The following PDIA6 variants were observed in gnomAD, a reference collection of about 807,000 sequenced individuals.
PDIA6 encodes protein disulfide isomerase family A member 6.
In PDIA6, 29 loss-of-function variants were observed where a neutral mutation model predicts 58.4. That is an observed-to-expected ratio of 0.50 (90% CI 0.37 to 0.68). PDIA6 has a LOEUF of 0.68. Ranked by LOEUF, PDIA6 falls within the 30% of genes least tolerant of loss-of-function variation. PDIA6 has a pLI of 0.00. For synonymous variants in PDIA6, 192 were observed against 202.6 expected, an observed-to-expected ratio of 0.95 and a Z score of 0.44; for missense variants, 480 against 551.0, an observed-to-expected ratio of 0.87 and a Z score of 1.29.
At chr2:10,789,688 T>C (rs1022614343) in intron 8 of PDIA6, 61 bp downstream of exon 8, 2 of 1,502,798 alleles carry the variant, frequency 1.3e-6, no homozygotes, top group Non-Finnish European at 1.8e-6. Flanking sequence ...CACACTGCTT[T>C]AACATTCCTC....
At chr2:10,810,239 T>A (rs779941454) in intron 1 of PDIA6, 1 of 1,401,460 alleles carries the variant, frequency 7.1e-7, no homozygotes, top group South Asian at 1.2e-5. Context: ...AAAGGATAAC[T>A]TACCTAAGAT....
At chr2:10,824,994 C>T (rs991884386) in intron 1 of PDIA6, among the ~76,000 whole-genome samples, 1 of 152,146 alleles carries the variant, frequency 6.6e-6, no homozygotes, top group African/African-American at 2.4e-5. Flanking sequence ...CACCCTTAAT[C>T]TGGGTGGGCA....
In PDIA6 at chr2:10,798,715, C is replaced by T. The variant is rs146387497; in HGVS notation, c.162-958G>A. The stretch of plus-strand genomic sequence containing the variant: ...CACTGTGTGGAGCTGAAAGCCTAGG[C>T]ACGATGCAGATTCTTGGGGTCCACA... On this transcript the variant is annotated intron_variant, in intron 2 of 12. Coordinates refer to ENST00000272227, the MANE Select transcript of PDIA6 (RefSeq NM_005742.4). Among the ~76,000 whole-genome samples, 269 of 152,262 alleles carry T rather than the reference C, an allele frequency of 1.8e-3. 1 individual carries two copies. Among genetic ancestry groups the T allele is most frequent in the African/African-American group, 6.3e-3 (263 of 41,556 alleles).
chr2:10,817,378 T>C (rs531628758), upstream of PDIA6, among the ~76,000 whole-genome samples: 1 of 152,268 alleles, frequency 6.6e-6, no homozygotes, highest in African/African-American at 2.4e-5. Flanking sequence ...CTATTCTGAG[T>C]TCTAGTCACT....
Position 10,830,190 on chromosome 2 carries a change from G to A in PDIA6, c.-48+2012C>T, listed in dbSNP as rs544059090. Among the ~76,000 whole-genome samples, 11 of 152,344 alleles carry A rather than the reference G, an allele frequency of 7.2e-5. No homozygotes were observed. The South Asian group carries it at 1.7e-3, about 23-fold the overall frequency. On this transcript the variant is annotated intron_variant, in intron 1 of 13. Coordinates refer to the PDIA6 transcript ENST00000381611. ...GCCTGTGTCTGCCCCTCCAGTGTGGGTGCGCAGCTTCAAGACAGGGGCCAG... is the reference window on the plus strand; with the variant it reads ...GCCTGTGTCTGCCCCTCCAGTGTGGATGCGCAGCTTCAAGACAGGGGCCAG...
At chr2:10,836,443 A>G (rs1667833617), upstream of PDIA6, among the ~76,000 whole-genome samples, 1 of 151,728 alleles carries the variant, frequency 6.6e-6, no homozygotes, top group African/African-American at 2.4e-5. Context: ...GAATTCCTGA[A>G]CTCAAGCAGT....
intron 2 of PDIA6, among the ~76,000 whole-genome samples, chr2:10,800,580 ATTTT>A (rs954768324): frequency 5.0e-5 from 2 of 40,378 alleles, no homozygotes; most frequent in Admixed American, 3.3e-4. Context: ...TTTGATTTTG[ATTTT>A]TTTTTTTAAA....
At chr2:10,811,737 G>A (rs1375368689) in intron 1 of PDIA6, among the ~76,000 whole-genome samples, 2 of 152,146 alleles carry the variant, frequency 1.3e-5, no homozygotes, top group Non-Finnish European at 2.9e-5. Flanking sequence ...CAGGACCCTC[G>A]GCCTCGCCCA....
chr2:10,825,912 G>C (rs995555014), intron 1 of PDIA6, among the ~76,000 whole-genome samples: 5 of 152,198 alleles, frequency 3.3e-5, no homozygotes, highest in African/African-American at 1.2e-4. Flanking sequence ...TTAGAGAACA[G>C]TCCAACAGCT....
intron 1 of PDIA6, among the ~76,000 whole-genome samples, chr2:10,812,318 C>T (rs1667030540): frequency 7.0e-6 from 1 of 143,550 alleles, no homozygotes. Context: ...TCGAGAAGAG[C>T]CCGGAACAAG....
chr2:10,813,028 C>G (rs760541000), upstream of PDIA6, among the ~76,000 whole-genome samples: 114 of 152,244 alleles, frequency 7.5e-4, no homozygotes, highest in Non-Finnish European at 1.0e-3. Context: ...TCAGCTCCTC[C>G]GGGCCCTCTC....
At chr2:10,825,902 T>G (rs1667544138) in intron 1 of PDIA6, among the ~76,000 whole-genome samples, 2 of 152,190 alleles carry the variant, frequency 1.3e-5, no homozygotes, top group South Asian at 2.1e-4. Context: ...TGCAACCACT[T>G]TAGAGAACAG....
intron 1 of PDIA6, chr2:10,810,281 G>A (rs895177089): frequency 7.2e-6 from 11 of 1,534,416 alleles, no homozygotes; most frequent in South Asian, 1.2e-5. Flanking sequence ...ATTTCTAACC[G>A]AAGGGCTGGA....
Position 10,824,958 on chromosome 2 carries a change from AG to A in PDIA6, c.-47-5605del, listed in dbSNP as rs569903829. On this transcript the variant is annotated intron_variant, in intron 1 of 13. Transcript: ENST00000381611. ...TGTTGCCAAAGGAGATTAACATTTG[AG>A]TCAGTGGGTTGGGAAAGGCAGACCC... Among the ~76,000 whole-genome samples, 745 of 152,194 alleles carry A rather than the reference AG, an allele frequency of 4.9e-3. 6 individuals carry two copies. The highest frequency in any genetic ancestry group is 0.016 in the African/African-American group (678 of 41,500).
intron 2 of PDIA6, among the ~76,000 whole-genome samples, chr2:10,818,504 T>A (rs1403215058): frequency 1.4e-4 from 18 of 125,924 alleles, no homozygotes; most frequent in South Asian, 2.5e-4. Flanking sequence ...ATTTATTTAT[T>A]TATTTATTTA....
intron 1 of PDIA6, among the ~76,000 whole-genome samples, chr2:10,825,389 C>T (rs1191980978): frequency 6.6e-6 from 1 of 152,298 alleles, no homozygotes; most frequent in South Asian, 2.1e-4. Flanking sequence ...ACAAAGCAGA[C>T]TCTTATGGAT....
At chr2:10,824,021 A>G (rs888737466) in intron 1 of PDIA6, among the ~76,000 whole-genome samples, 1 of 152,152 alleles carries the variant, frequency 6.6e-6, no homozygotes, top group African/African-American at 2.4e-5. Context: ...ATTCAGCTTT[A>G]TGATTTAGCT....
At chr2:10,826,552 G>C (rs150344321) in intron 1 of PDIA6, among the ~76,000 whole-genome samples, 4 of 152,232 alleles carry the variant, frequency 2.6e-5, no homozygotes, top group African/African-American at 7.2e-5. Context: ...TAGAGAGGAG[G>C]TTTTGCCATG....
chr2:10,803,755 C>T (rs937600021), intron 1 of PDIA6, among the ~76,000 whole-genome samples: 5 of 152,070 alleles, frequency 3.3e-5, no homozygotes, highest in Admixed American at 6.5e-5. Context: ...TTTACATATA[C>T]AGTCACATCC....
Sources: allele counts gnomAD v4.1 joint callset (sites outside exome capture counted in the v4.1 genomes callset), GRCh38; gene constraint gnomAD v4.1.1; transcripts MANE v1.5; gene names NCBI Gene and HGNC (gene_info 2026-07-23, HGNC 2026-07-21).